Variants in LUZP2 observed in about 807,000 individuals in gnomAD.
LUZP2 encodes leucine zipper protein 2.
Under a neutral mutation model 51.6 loss-of-function variants are expected in LUZP2, and 52 were observed. The ratio of observed to expected loss-of-function variants is 1.01; its 90% CI spans 0.81 to 1.27. LUZP2 has a LOEUF of 1.27. Among genes scored for constraint, LUZP2 ranks in the 50% most tolerant of loss-of-function variants. The pLI, the probability that LUZP2 is intolerant of heterozygous loss-of-function variation, is 0.00. For missense variants in LUZP2, 436 were observed against 395.4 expected, an observed-to-expected ratio of 1.10 and a Z score of -0.87; for synonymous variants, 154 against 137.3, an observed-to-expected ratio of 1.12 and a Z score of -0.85.
intron 5 of LUZP2, among the ~76,000 whole-genome samples, chr11:24,853,863 T>A (rs546375436): frequency 1.3e-5 from 2 of 152,282 alleles, no homozygotes; most frequent in South Asian, 4.1e-4. Context: ...TTAGTTTTCC[T>A]TCTAACAGGC....
At chr11:24,952,532 A>G (rs1855105741) in intron 7 of LUZP2, among the ~76,000 whole-genome samples, 1 of 151,776 alleles carries the variant, frequency 6.6e-6, no homozygotes. Context: ...TACAGTGCTA[A>G]GAGTCTAGAG....
intron 10 of LUZP2, among the ~76,000 whole-genome samples, chr11:25,076,629 A>G: frequency 1.6e-5 from 2 of 123,810 alleles, no homozygotes; most frequent in African/African-American, 3.1e-5. Context: ...GAAGGAAGGG[A>G]GGAAGGGAAA....
intron 9 of LUZP2, among the ~76,000 whole-genome samples, chr11:25,039,973 A>G (rs1396389015): frequency 6.6e-6 from 1 of 152,112 alleles, no homozygotes; most frequent in African/African-American, 2.4e-5. Flanking sequence ...GCATGAATTA[A>G]AGTCAAAGAA....
chr11:24,906,900 A>G (rs1242721813), intron 6 of LUZP2, among the ~76,000 whole-genome samples: 1 of 152,220 alleles, frequency 6.6e-6, no homozygotes, highest in Non-Finnish European at 1.5e-5. Context: ...AGCTGCAATG[A>G]GAAAAGTTGC....
chr11:24,785,626 A>G (rs1849223927), intron 5 of LUZP2, among the ~76,000 whole-genome samples: 1 of 152,064 alleles, frequency 6.6e-6, no homozygotes, highest in Admixed American at 6.6e-5. Context: ...TGACCCTGGT[A>G]GTCAATTCCA....
intron 9 of LUZP2, among the ~76,000 whole-genome samples, chr11:25,015,380 A>G (rs1476308763): frequency 6.6e-6 from 1 of 152,194 alleles, no homozygotes; most frequent in Non-Finnish European, 1.5e-5. Flanking sequence ...CAATACTATT[A>G]CCAAACTACA....
chr11:24,630,351 A>C (rs1283366229), intron 1 of LUZP2, among the ~76,000 whole-genome samples: 1 of 151,956 alleles, frequency 6.6e-6, no homozygotes, highest in Non-Finnish European at 1.5e-5. Context: ...AATTCATTTT[A>C]AACTGATTTT....
intron 1 of LUZP2, among the ~76,000 whole-genome samples, chr11:24,619,690 C>G (rs1329052821): frequency 6.6e-6 from 1 of 152,056 alleles, no homozygotes; most frequent in African/African-American, 2.4e-5. Flanking sequence ...ATATAAAATC[C>G]TATAGTATTT....
intron 9 of LUZP2, among the ~76,000 whole-genome samples, chr11:25,027,595 G>C (rs2404017): frequency 0.58 from 88,129 of 151,982 alleles, 26,667 homozygotes; most frequent in African/African-American, 0.76. Flanking sequence ...ATTTAGGTCG[G>C]GCACAGTGGC....
intron 10 of LUZP2, among the ~76,000 whole-genome samples, chr11:25,076,665 AGGAG>A (rs1163880588): frequency 3.7e-5 from 5 of 135,916 alleles, no homozygotes; most frequent in African/African-American, 1.1e-4. Context: ...GAGGGAGGGA[AGGAG>A]GGAGGGAGGG....
At chr11:24,523,496 T>TAAAAAAAA (rs1290539394) in intron 1 of LUZP2, among the ~76,000 whole-genome samples, 1 of 131,134 alleles carries the variant, frequency 7.6e-6, no homozygotes. Flanking sequence ...TTCTTTTTTT[T>TAAAAAAAA]ACAAAAAAAA....
intron 1 of LUZP2, among the ~76,000 whole-genome samples, chr11:24,640,237 C>T (rs533586544): frequency 8.6e-5 from 13 of 152,022 alleles, no homozygotes; most frequent in African/African-American, 3.1e-4. Context: ...GTCAAAAAGA[C>T]TCCTGTGTAT....
chr11:24,540,802 A>T (rs111440581), intron 1 of LUZP2, among the ~76,000 whole-genome samples: 2 of 152,284 alleles, frequency 1.3e-5, no homozygotes, highest in Non-Finnish European at 2.9e-5. Context: ...TTATGGAATA[A>T]TCGTTATGGA....
rs545149343 is a variant in LUZP2 at position 24,619,191 on chromosome 11, G to T, written c.63-109978G>T. 2.0e-5 allele frequency among the ~76,000 whole-genome samples: 3 copies of T among 152,006 alleles called. No homozygotes were observed. In the South Asian group the frequency reaches 6.2e-4, roughly 32 times the overall value. On this transcript the variant is annotated intron_variant, in intron 1 of 11. Transcript: ENST00000336930. ...CTACAGATGTGCACCGCCATGCCTGGCTAATTATTTTTCTTTATTTCTTGT... is the reference window on the plus strand; with the variant it reads ...CTACAGATGTGCACCGCCATGCCTGTCTAATTATTTTTCTTTATTTCTTGT...
chr11:25,064,705 T>G (rs2134045665), intron 10 of LUZP2, among the ~76,000 whole-genome samples: 1 of 152,106 alleles, frequency 6.6e-6, no homozygotes, highest in East Asian at 1.9e-4. Context: ...GTTCATTTGA[T>G]TTTGGACTGT....
At chr11:24,991,849 G>T (rs1046487109) in intron 9 of LUZP2, among the ~76,000 whole-genome samples, 1 of 151,766 alleles carries the variant, frequency 6.6e-6, no homozygotes, top group Admixed American at 6.6e-5. Flanking sequence ...CATATTTGTT[G>T]GCCATTTGTA....
At chr11:24,700,056 C>CTTTTTTTTTTTTTTTTTTTTTTTTTTTT (rs762849302) in intron 1 of LUZP2, among the ~76,000 whole-genome samples, 1 of 95,978 alleles carries the variant, frequency 1.0e-5, no homozygotes, top group Non-Finnish European at 2.0e-5. Flanking sequence ...TTTTCCTCAA[C>CTTTTTTTTTTTTTTTTTTTTTTTTTTTT]TTTTTTTTTT....
rs1854324335 is a variant in LUZP2 at position 24,617,370 on chromosome 11, T to G, written c.63-111799T>G. On this transcript the variant is annotated intron_variant, in intron 1 of 11. Coordinates refer to ENST00000336930, the MANE Select transcript of LUZP2 (RefSeq NM_001009909.4). Reference sequence around the variant, plus strand: ...CCTCTCTTTTCATTTGTTTAGAGTGTGTTCATCGTTATTCATTGAAGCATT... The same window carrying G: ...CCTCTCTTTTCATTTGTTTAGAGTGGGTTCATCGTTATTCATTGAAGCATT... Among the ~76,000 whole-genome samples, 3 of 152,336 alleles carry G rather than the reference T, an allele frequency of 2.0e-5. No homozygotes were observed. In the South Asian group the frequency reaches 6.2e-4, roughly 32 times the overall value.
chr11:24,638,672 T>A (rs2133940743), intron 1 of LUZP2, among the ~76,000 whole-genome samples: 1 of 150,654 alleles, frequency 6.6e-6, no homozygotes, highest in Non-Finnish European at 1.5e-5. Flanking sequence ...AAGAAACAAA[T>A]AATTTATGAT....
Sources: allele counts gnomAD v4.1 joint callset (sites outside exome capture counted in the v4.1 genomes callset), GRCh38; gene constraint gnomAD v4.1.1; transcripts MANE v1.5; gene names NCBI Gene and HGNC (gene_info 2026-07-23, HGNC 2026-07-21).